The following GRID2 variants were observed in gnomAD, a reference collection of about 807,000 sequenced individuals.
GRID2 encodes the protein glutamate ionotropic receptor delta type subunit 2, also known as glutamate receptor ionotropic, delta-2.
GRID2 carries 33 observed loss-of-function variants against 114.8 expected under a neutral mutation model. The observed-to-expected ratio is 0.29, with a 90% CI of 0.22 to 0.38. The LOEUF (loss-of-function observed/expected upper bound fraction) is 0.38. Among genes scored for constraint, GRID2 ranks in the 10% least tolerant of loss-of-function variants. The probability of loss-of-function intolerance (pLI) is 1.00; values close to 1 mark genes in which losing one functional copy is unlikely to be tolerated. For missense variants in GRID2, 1,184 were observed against 1,257.7 expected (o/e 0.94, Z 0.89); for synonymous variants, 505 against 449.9 (o/e 1.12, Z -1.55).
chr4:92,809,016 T>C (rs1360303246), intron 2 of GRID2, among the ~76,000 whole-genome samples: 1 of 151,900 alleles, frequency 6.6e-6, no homozygotes, highest in Non-Finnish European at 1.5e-5. Context: ...ATTTTACAAA[T>C]ATTTTCACAT....
chr4:93,737,418 G>T (rs149517542), intron 14 of GRID2, among the ~76,000 whole-genome samples: 42 of 151,996 alleles, frequency 2.8e-4, no homozygotes, highest in Middle Eastern at 6.8e-3. Flanking sequence ...TCACTAGAAG[G>T]CTACATTTTA....
At chr4:93,294,794 A>C (rs1754117789) in intron 8 of GRID2, among the ~76,000 whole-genome samples, 1 of 152,138 alleles carries the variant, frequency 6.6e-6, no homozygotes, top group Non-Finnish European at 1.5e-5. Context: ...TCCTGACCTC[A>C]GGTGATCGGC....
intron 1 of GRID2, among the ~76,000 whole-genome samples, chr4:92,337,569 C>T (rs1332815631): frequency 2.0e-5 from 3 of 152,190 alleles, no homozygotes; most frequent in East Asian, 1.9e-4. Context: ...CAATCATGGC[C>T]GAAGGCACTT....
At chr4:93,354,769 A>G (rs1761157434) in intron 8 of GRID2, among the ~76,000 whole-genome samples, 1 of 144,214 alleles carries the variant, frequency 6.9e-6, no homozygotes, top group South Asian at 2.1e-4. Context: ...CTTTATGTAT[A>G]TGTAATATTT....
chr4:93,294,151 T>C (rs13103491), intron 8 of GRID2, among the ~76,000 whole-genome samples: 113,220 of 152,020 alleles, frequency 0.74, 43,220 homozygotes, highest in African/African-American at 0.91. Context: ...ATGGGTGAAG[T>C]GAGCAGAGGA....
intron 3 of GRID2, among the ~76,000 whole-genome samples, chr4:93,094,794 T>C (rs1731063841): frequency 6.6e-6 from 1 of 151,836 alleles, no homozygotes; most frequent in Non-Finnish European, 1.5e-5. Context: ...AAGATAAATG[T>C]GAAGAGAAAA....
intron 4 of GRID2, among the ~76,000 whole-genome samples, chr4:93,122,716 G>T (rs538868581): frequency 6.6e-6 from 1 of 151,584 alleles, no homozygotes; most frequent in Admixed American, 6.6e-5. Context: ...AAAATAACTG[G>T]CTTAAAAAAA....
intron 1 of GRID2, among the ~76,000 whole-genome samples, chr4:92,451,993 C>G (rs1560640257): frequency 6.6e-6 from 1 of 152,132 alleles, no homozygotes; most frequent in East Asian, 1.9e-4. Context: ...GAATGTGAGA[C>G]TCTGCTGGCA....
chr4:92,337,700 C>A (rs186559641), intron 1 of GRID2, among the ~76,000 whole-genome samples: 14 of 152,130 alleles, frequency 9.2e-5, no homozygotes, highest in Non-Finnish European at 1.5e-4. Flanking sequence ...CAACCACTCC[C>A]GTGATCCAGT....
At chr4:92,513,596 T>C in intron 1 of GRID2, among the ~76,000 whole-genome samples, 1 of 151,860 alleles carries the variant, frequency 6.6e-6, no homozygotes, top group Non-Finnish European at 1.5e-5. Context: ...TAGCACTCTT[T>C]CCTAGTACTT....
At chr4:93,203,853 CAG>C (rs1299382893) in intron 4 of GRID2, 2 of 152,116 alleles carry the variant, frequency 1.3e-5, no homozygotes, top group African/African-American at 4.8e-5. Flanking sequence ...CTGGAATGGA[CAG>C]AGAGCAGACA....
chr4:93,065,656 T>G (rs1728229323), intron 2 of GRID2, among the ~76,000 whole-genome samples: 1 of 151,888 alleles, frequency 6.6e-6, no homozygotes, highest in South Asian at 2.1e-4. Context: ...CAAGAAGGAA[T>G]TTTCATGGAA....
intron 14 of GRID2, among the ~76,000 whole-genome samples, chr4:93,655,387 T>C (rs951610467): frequency 1.3e-5 from 2 of 152,166 alleles, no homozygotes; most frequent in Non-Finnish European, 2.9e-5. Flanking sequence ...TTTCTCCACA[T>C]ATTTTCCTAA....
At chr4:93,146,601 AAGG>A (rs1349991563) in intron 4 of GRID2, among the ~76,000 whole-genome samples, 2 of 151,914 alleles carry the variant, frequency 1.3e-5, no homozygotes, top group African/African-American at 4.8e-5. Context: ...TGAAGAGAGA[AAGG>A]AGGAGAGAGA....
At chr4:92,859,933 C>G (rs547041800) in intron 2 of GRID2, among the ~76,000 whole-genome samples, 1 of 152,148 alleles carries the variant, frequency 6.6e-6, no homozygotes, top group South Asian at 2.1e-4. Flanking sequence ...CATTAGCACC[C>G]CTCTAGTCAT....
chr4:93,547,582 A>G (rs908630879), intron 13 of GRID2, among the ~76,000 whole-genome samples: 1 of 152,162 alleles, frequency 6.6e-6, no homozygotes, highest in Non-Finnish European at 1.5e-5. Context: ...GCCACATGCT[A>G]ATTATTATCT....
intron 8 of GRID2, among the ~76,000 whole-genome samples, chr4:93,326,080 G>A (rs1403371638): frequency 6.6e-6 from 1 of 152,112 alleles, no homozygotes; most frequent in Non-Finnish European, 1.5e-5. Context: ...ATATAAATAG[G>A]TATTTCTAAA....
At chr4:92,901,153 C>T (rs919050455) in intron 2 of GRID2, among the ~76,000 whole-genome samples, 17 of 152,138 alleles carry the variant, frequency 1.1e-4, no homozygotes, top group Non-Finnish European at 1.9e-4. Flanking sequence ...AATCTCCATA[C>T]TGTTTTCCAT....
At chr4:92,638,068 A>G (rs1731158699) in intron 2 of GRID2, among the ~76,000 whole-genome samples, 2 of 152,106 alleles carry the variant, frequency 1.3e-5, no homozygotes, top group South Asian at 4.1e-4. Context: ...CCTGACATGT[A>G]TAGCTCACAT....
Sources: allele counts gnomAD v4.1 joint callset (sites outside exome capture counted in the v4.1 genomes callset), GRCh38; gene constraint gnomAD v4.1.1; transcripts MANE v1.5; gene names NCBI Gene and HGNC (gene_info 2026-07-23, HGNC 2026-07-21).